The following BACH2 variants were observed in gnomAD, a reference collection of about 807,000 sequenced individuals.
BACH2 encodes the protein transcription regulator protein BACH2.
In BACH2, 5 loss-of-function variants were observed where a neutral mutation model predicts 61.8. The observed-to-expected ratio is 0.08, with a 90% CI of 0.04 to 0.17. The LOEUF is 0.17. Among genes scored for constraint, BACH2 ranks in the 10% least tolerant of loss-of-function variants. The probability of loss-of-function intolerance (pLI) is 1.00; values close to 1 mark genes in which losing one functional copy is unlikely to be tolerated. For missense variants in BACH2, 824 were observed against 1,091.1 expected (o/e 0.76, Z 3.45); for synonymous variants, 446 against 440.1 (o/e 1.01, Z -0.17).
intron 4 of BACH2, among the ~76,000 whole-genome samples, chr6:90,176,096 G>A (rs188833568): frequency 1.9e-3 from 294 of 152,266 alleles, no homozygotes; most frequent in Non-Finnish European, 3.6e-3. Flanking sequence ...GTGGCCCTGC[G>A]TAGCATGTGG....
chr6:90,265,195 C>T (rs986256829), intron 2 of BACH2, among the ~76,000 whole-genome samples: 1 of 152,210 alleles, frequency 6.6e-6, no homozygotes, highest in African/African-American at 2.4e-5. Context: ...ATCCACTTCA[C>T]CCTCAGAGAG....
chr6:90,155,111 A>T (rs1784952364), intron 4 of BACH2, among the ~76,000 whole-genome samples: 1 of 152,200 alleles, frequency 6.6e-6, no homozygotes, highest in Non-Finnish European at 1.5e-5. Flanking sequence ...TGCCTAAGAC[A>T]CCGCAGCCCC....
chr6:90,163,645 C>T (rs146486508), intron 4 of BACH2, among the ~76,000 whole-genome samples: 10 of 152,180 alleles, frequency 6.6e-5, no homozygotes, highest in Middle Eastern at 3.4e-3. Flanking sequence ...GAAAAAGATA[C>T]TATACATTCC....
intron 6 of BACH2, among the ~76,000 whole-genome samples, chr6:89,973,865 G>A (rs917509541): frequency 2.0e-5 from 3 of 151,936 alleles, no homozygotes; most frequent in African/African-American, 7.3e-5. Flanking sequence ...AGCCATTAAT[G>A]GATAAAGTGA....
chr6:90,249,376 G>GGTAGAAGGAAGTC (rs1420331485), intron 3 of BACH2, among the ~76,000 whole-genome samples: 1 of 152,114 alleles, frequency 6.6e-6, no homozygotes, highest in Admixed American at 6.5e-5. Flanking sequence ...CCCTTTCCTT[G>GGTAGAAGGAAGTC]GTAGAAGGAA....
At chr6:90,250,348 C>G (rs1434226750) in intron 3 of BACH2, among the ~76,000 whole-genome samples, 1 of 152,160 alleles carries the variant, frequency 6.6e-6, no homozygotes, top group African/African-American at 2.4e-5. Flanking sequence ...TAAATAATTA[C>G]AAAACAGTTG....
At chr6:90,146,075 A>G (rs897881638) in intron 4 of BACH2, among the ~76,000 whole-genome samples, 3 of 152,262 alleles carry the variant, frequency 2.0e-5, no homozygotes, top group Admixed American at 6.5e-5. Context: ...ATGTGCACAG[A>G]AAGAGAATTC....
chr6:90,148,119 G>C (rs2127829012), intron 4 of BACH2, among the ~76,000 whole-genome samples: 2 of 152,330 alleles, frequency 1.3e-5, no homozygotes, highest in Admixed American at 1.3e-4. Context: ...ACAGGAGGCA[G>C]AGGAGCTAAT....
chr6:89,975,715 T>A (rs1775614435), intron 6 of BACH2, among the ~76,000 whole-genome samples: 1 of 152,214 alleles, frequency 6.6e-6, no homozygotes, highest in African/African-American at 2.4e-5. Flanking sequence ...GAGATAACTC[T>A]CCTAAGATAT....
At chr6:90,070,982 TTTTG>T (rs1781198061) in intron 5 of BACH2, among the ~76,000 whole-genome samples, 1 of 152,140 alleles carries the variant, frequency 6.6e-6, no homozygotes, top group African/African-American at 2.4e-5. Context: ...TTCCTTTGTT[TTTTG>T]TTTGTTTTTT....
At chr6:90,067,730 C>T (rs964024822) in intron 5 of BACH2, among the ~76,000 whole-genome samples, 2 of 152,156 alleles carry the variant, frequency 1.3e-5, no homozygotes, top group African/African-American at 4.8e-5. Context: ...GTGCTCAACA[C>T]TTCTAAATGG....
chr6:90,161,174 G>GA (rs1341640623), intron 4 of BACH2, among the ~76,000 whole-genome samples: 21 of 151,050 alleles, frequency 1.4e-4, no homozygotes, highest in Non-Finnish European at 2.7e-4. Flanking sequence ...TAACTGGAAG[G>GA]AAAAAAAAGA....
chr6:90,183,739 A>T (rs568421496), intron 4 of BACH2, among the ~76,000 whole-genome samples: 3 of 152,204 alleles, frequency 2.0e-5, no homozygotes, highest in Non-Finnish European at 4.4e-5. Flanking sequence ...CTGGTAATCA[A>T]GGATGTTTGA....
chr6:90,281,356 G>A (rs1771852847), intron 1 of BACH2, among the ~76,000 whole-genome samples: 1 of 152,116 alleles, frequency 6.6e-6, no homozygotes, highest in Non-Finnish European at 1.5e-5. Context: ...CCTTTAAAAT[G>A]TTTACTAATA....
At chr6:90,038,484 G>C (rs1236349352) in intron 5 of BACH2, among the ~76,000 whole-genome samples, 4 of 152,018 alleles carry the variant, frequency 2.6e-5, no homozygotes, top group Non-Finnish European at 5.9e-5. Context: ...GTATAAGAGT[G>C]GTTTCTTCTA....
chr6:89,940,442 C>A (rs1031485308), intron 7 of BACH2, among the ~76,000 whole-genome samples: 5 of 152,224 alleles, frequency 3.3e-5, no homozygotes, highest in African/African-American at 1.2e-4. Flanking sequence ...CAGGCTTGCA[C>A]CTTTGAGCAG....
At chr6:89,983,395 G>A (rs1198754237) in intron 6 of BACH2, among the ~76,000 whole-genome samples, 10 of 152,206 alleles carry the variant, frequency 6.6e-5, no homozygotes, top group East Asian at 1.9e-4. Flanking sequence ...ATAGCCAGGC[G>A]TGGTGGCTCA....
At chr6:89,966,374 CT>C (rs1235493653) in intron 6 of BACH2, among the ~76,000 whole-genome samples, 1 of 152,216 alleles carries the variant, frequency 6.6e-6, no homozygotes, top group Non-Finnish European at 1.5e-5. Context: ...ACAGTTAATG[CT>C]GATGCAATGC....
chr6:90,148,399 T>A (rs1784694668), intron 4 of BACH2, among the ~76,000 whole-genome samples: 1 of 152,218 alleles, frequency 6.6e-6, no homozygotes, highest in Non-Finnish European at 1.5e-5. Flanking sequence ...TGCATGCCTT[T>A]CGATCTGGTA....
Sources: allele counts gnomAD v4.1 joint callset (sites outside exome capture counted in the v4.1 genomes callset), GRCh38; gene constraint gnomAD v4.1.1; transcripts MANE v1.5; gene names NCBI Gene and HGNC (gene_info 2026-07-23, HGNC 2026-07-21).